Variants in RTTN observed in about 807,000 individuals in gnomAD.
RTTN encodes rotatin.
A neutral mutation model predicts 269.2 loss-of-function variants in RTTN; 182 were observed. The ratio of observed to expected loss-of-function variants is 0.68; its 90% CI spans 0.60 to 0.76. The LOEUF (loss-of-function observed/expected upper bound fraction) is 0.76, where lower values mean the gene tolerates loss of function less well. Ranked by LOEUF, RTTN falls within the 30% of genes least tolerant of loss-of-function variation. The probability of loss-of-function intolerance (pLI) is 0.00; values close to 1 mark genes in which losing one functional copy is unlikely to be tolerated. For missense variants in RTTN, 2,545 were observed against 2,608.6 expected, an observed-to-expected ratio of 0.98 and a Z score of 0.53; for synonymous variants, 1,006 against 963.5, an observed-to-expected ratio of 1.04 and a Z score of -0.82.
chr18:70,107,137 C>T (rs117326534), intron 28 of RTTN, among the ~76,000 whole-genome samples: 1,893 of 152,262 alleles, frequency 0.012, 23 homozygotes, highest in South Asian at 0.038. Flanking sequence ...CACTCTGTTG[C>T]GGAGAAGCCC....
chr18:70,061,988 T>C (rs1032164713), intron 35 of RTTN, among the ~76,000 whole-genome samples: 3 of 152,262 alleles, frequency 2.0e-5, no homozygotes, highest in African/African-American at 7.2e-5. Flanking sequence ...ACAATATATT[T>C]ACTTATTTGC....
At position 70,201,992 on chromosome 18, in the gene RTTN, G is replaced by A; in HGVS notation, c.398-9C>T. On this transcript the variant is annotated splice_polypyrimidine_tract_variant and intron_variant, in intron 3 of 48. Coordinates refer to ENST00000640769, the MANE Select transcript of RTTN (RefSeq NM_173630.4). Reference sequence around the variant, plus strand: ...AGGGTTTTTTGACAATTCTGAAAAGGAAATAAACATTACTGTATTGTCGAT... The same window carrying A: ...AGGGTTTTTTGACAATTCTGAAAAGAAAATAAACATTACTGTATTGTCGAT... The A allele has an allele frequency of 6.7e-7, 1 of 1,503,602 alleles. No individual in the cohort carries two copies. Among genetic ancestry groups the A allele is most frequent in the Non-Finnish European group, 9.3e-7 (1 of 1,080,984 alleles). The allele number at this position is 1,503,602 out of a possible 1,614,324, so 93.1% of individuals were successfully genotyped here.
intron 28 of RTTN, among the ~76,000 whole-genome samples, chr18:70,101,157 G>A (rs561597290): frequency 1.3e-5 from 2 of 152,286 alleles, no homozygotes; most frequent in East Asian, 3.9e-4. Flanking sequence ...AATGGTACTA[G>A]CTCCTCTTCG....
intron 32 of RTTN, among the ~76,000 whole-genome samples, chr18:70,084,278 A>G (rs1037236235): frequency 6.6e-6 from 1 of 152,222 alleles, no homozygotes; most frequent in South Asian, 2.1e-4. Flanking sequence ...AAATTTTAAC[A>G]AAGCTCCTAA....
At chr18:70,072,934 T>C (rs1366057217) in intron 34 of RTTN, among the ~76,000 whole-genome samples, 3 of 152,024 alleles carry the variant, frequency 2.0e-5, no homozygotes, top group Admixed American at 6.6e-5. Flanking sequence ...AAAGGTCCAA[T>C]GTAGCACTAA....
At chr18:70,099,955 C>A (rs1029893756) in intron 28 of RTTN, among the ~76,000 whole-genome samples, 5 of 152,132 alleles carry the variant, frequency 3.3e-5, no homozygotes, top group Middle Eastern at 3.2e-3. Flanking sequence ...TGTTTTGGTA[C>A]CAGTACCATG....
Position 70,030,966 on chromosome 18 carries a change from A to C in RTTN, c.5557T>G (p.Ser1853Ala), listed in dbSNP as rs775633093. The C allele has an allele frequency of 1.2e-6, 2 of 1,611,996 alleles. No individual in the cohort carries two copies. The highest frequency in any genetic ancestry group is 1.7e-5 in the Admixed American group (1 of 59,730). Residue 1853 changes from serine (S) to alanine (A), a missense_variant, in exon 41 of 49, where the codon TCC becomes GCC. Coordinates refer to ENST00000640769, the MANE Select transcript of RTTN (RefSeq NM_173630.4). ...DVILQCYEGK[S>A]SKDILKRVAA... Reference sequence around the variant, plus strand: ...ACTCTTTTCAGGATATCTTTGGAGGATTTCCCTTCATAGCACTGCAGAGAA... The same window carrying C: ...ACTCTTTTCAGGATATCTTTGGAGGCTTTCCCTTCATAGCACTGCAGAGAA...
chr18:70,140,192 T>C lies in RTTN; in HGVS notation c.2582-4A>G, dbSNP rs758892535. On this transcript the variant is annotated splice_region_variant and splice_polypyrimidine_tract_variant and intron_variant, in intron 19 of 48. Coordinates refer to ENST00000640769, the MANE Select transcript of RTTN (RefSeq NM_173630.4). ...ACCACAGCATGCATTTTAATATCTG[T>C]AGATAAAAAAAGTTACTAAAAGTTA... 77 of 1,528,220 alleles carry C rather than the reference T, an allele frequency of 5.0e-5. 1 individual carries two copies. In the South Asian group the frequency reaches 8.6e-4, roughly 17 times the overall value. 94.7% of individuals were successfully genotyped at this position (1,528,220 alleles called of 1,614,324 possible).
intron 8 of RTTN, among the ~76,000 whole-genome samples, chr18:70,191,182 A>T (rs2061663033): frequency 6.6e-6 from 1 of 151,918 alleles, no homozygotes; most frequent in Non-Finnish European, 1.5e-5. Context: ...CGACAGAGCA[A>T]GACTCCATCT....
At chr18:70,025,312 T>A (rs2056823187) in intron 43 of RTTN, among the ~76,000 whole-genome samples, 1 of 152,216 alleles carries the variant, frequency 6.6e-6, no homozygotes, top group Non-Finnish European at 1.5e-5. Context: ...TTTGAGTAAT[T>A]TGAATATATA....
intron 1 of RTTN, 91 bp downstream of exon 1, chr18:70,205,537 A>G: frequency 1.9e-6 from 3 of 1,545,654 alleles, no homozygotes; most frequent in Non-Finnish European, 2.7e-6. Context: ...GCGGTCGCGG[A>G]GCGGCCGGCC....
chr18:70,022,040 A>C (rs901569049), intron 44 of RTTN, among the ~76,000 whole-genome samples: 1 of 152,122 alleles, frequency 6.6e-6, no homozygotes, highest in South Asian at 2.1e-4. Flanking sequence ...TAAATCTTAA[A>C]TTTATGACCA....
At chr18:70,005,984 G>A (rs1056940025) in intron 47 of RTTN, 3 of 160,284 alleles carry the variant, frequency 1.9e-5, no homozygotes, top group East Asian at 3.6e-4. Context: ...GGCTGCAGTC[G>A]TACAAGAACT....
At chr18:70,005,092 T>G (rs1280201715) in intron 48 of RTTN, 106 bp downstream of exon 48, 1 of 660,898 alleles carries the variant, frequency 1.5e-6, no homozygotes, top group Non-Finnish European at 2.5e-6. Context: ...TATTGGCACA[T>G]TTTACAATGC....
chr18:70,075,134 A>G, intron 33 of RTTN: 1 of 364,452 alleles, frequency 2.7e-6, no homozygotes, highest in Non-Finnish European at 4.8e-6. Flanking sequence ...AAATACAAAA[A>G]TGTACACAAG....
chr18:70,051,361 T>C, intron 39 of RTTN, 50 bp downstream of exon 39: 1 of 1,545,698 alleles, frequency 6.5e-7, no homozygotes, highest in Non-Finnish European at 8.7e-7. Flanking sequence ...AGAATCATTA[T>C]CTCGTTTTAT....
In RTTN at chr18:70,096,501, G is replaced by A. The variant is rs547964370; in HGVS notation, c.3904-3697C>T. On this transcript the variant is annotated intron_variant, in intron 28 of 48. Transcript: ENST00000640769. ...GGGTCTCTGAGTGGAAGTCCTTTTT[G>A]TTGGTGTTGATGCTATTCCTGTTTG... is the stretch of plus-strand genomic sequence containing the variant. Among the ~76,000 whole-genome samples, 7 of 152,278 alleles carry A rather than the reference G, an allele frequency of 4.6e-5. No homozygotes were observed. The South Asian group carries it at 1.0e-3, about 23-fold the overall frequency.
chr18:70,044,869 C>T (rs930294), intron 40 of RTTN, among the ~76,000 whole-genome samples: 113,607 of 152,104 alleles, frequency 0.75, 49,569 homozygotes, highest in East Asian at 1. Context: ...CAATTTAAGA[C>T]GTTAAGTATT....
chr18:70,005,354 A>G (rs963581935), intron 47 of RTTN, 87 bp from the exon 48 acceptor site: 4 of 784,748 alleles, frequency 5.1e-6, no homozygotes, highest in Non-Finnish European at 8.5e-6. Flanking sequence ...TAACTACAGT[A>G]TTAAACAGAA....
Sources: allele counts gnomAD v4.1 joint callset (sites outside exome capture counted in the v4.1 genomes callset), GRCh38; gene constraint gnomAD v4.1.1; transcripts MANE v1.5; gene names NCBI Gene and HGNC (gene_info 2026-07-23, HGNC 2026-07-21).